Variants in XPNPEP1 observed in about 807,000 individuals in gnomAD.
XPNPEP1 encodes the protein xaa-Pro aminopeptidase 1.
XPNPEP1 carries 39 observed loss-of-function variants against 92.4 expected under a neutral mutation model. The ratio of observed to expected loss-of-function variants is 0.42; its 90% confidence interval spans 0.33 to 0.55. The LOEUF is 0.55. XPNPEP1 is among the 20% of genes least tolerant of loss of function. The pLI is 0.08. For missense variants in XPNPEP1, 654 were observed against 856.1 expected (o/e 0.76, Z 2.95); for synonymous variants, 307 against 299.4 (o/e 1.03, Z -0.26).
chr10:109,906,715 T>C (rs919848086), intron 3 of XPNPEP1, among the ~76,000 whole-genome samples: 6 of 152,210 alleles, frequency 3.9e-5, no homozygotes, highest in Non-Finnish European at 8.8e-5. Context: ...GGGAAACCTG[T>C]CCCACTGTTT....
chr10:109,877,858 T>A lies in XPNPEP1; in HGVS notation c.1251A>T (p.Ala417=). 1 of 1,614,256 alleles carries A rather than the reference T, an allele frequency of 6.2e-7. No homozygotes were observed. The highest frequency in any genetic ancestry group is 8.5e-7 in the Non-Finnish European group (1 of 1,180,050). Residue 417 remains alanine, a synonymous_variant, in exon 14 of 21, where the codon GCA becomes GCT. Transcript: ENST00000502935. ...TTGGGAAGCTCAGGTCCACAAAGTC[T>A]GCCTGTTGCCTGTAACAGAAAGACA... ...DKAEEFRRQQ[A]DFVDLSFPTI...
intron 16 of XPNPEP1, among the ~76,000 whole-genome samples, chr10:109,872,183 C>G (rs1033584119): frequency 2.6e-5 from 4 of 152,248 alleles, no homozygotes; most frequent in Admixed American, 2.6e-4. Flanking sequence ...CCCTAGCTAA[C>G]ATTACTGAGC....
chr10:109,892,852 A>G (rs3737153), intron 4 of XPNPEP1, among the ~76,000 whole-genome samples, 160 bp downstream of exon 4: 84,249 of 152,108 alleles, frequency 0.55, 25,593 homozygotes, highest in East Asian at 0.78. Context: ...CTTGGGGAGC[A>G]GGGAAAGACT....
chr10:109,879,036 A>C (rs954254701), intron 12 of XPNPEP1, among the ~76,000 whole-genome samples: 22 of 145,528 alleles, frequency 1.5e-4, no homozygotes, highest in Admixed American at 6.8e-5. Context: ...AGGTCAGGAG[A>C]TCGAGACCAT....
At chr10:109,890,541 T>A (rs1848637511) in intron 5 of XPNPEP1, among the ~76,000 whole-genome samples, 1 of 149,534 alleles carries the variant, frequency 6.7e-6, no homozygotes, top group African/African-American at 2.5e-5. Context: ...CAGCTTCAAA[T>A]GCCTGCCTTT....
chr10:109,883,954 A>G (rs1848247439), intron 9 of XPNPEP1, 113 bp downstream of exon 9: 15 of 883,716 alleles, frequency 1.7e-5, no homozygotes, highest in Non-Finnish European at 2.4e-5. Context: ...GCAAGAAAAA[A>G]GAAGCACATC....
At chr10:109,868,934 A>G (rs1297822761) in intron 19 of XPNPEP1, among the ~76,000 whole-genome samples, 1 of 152,176 alleles carries the variant, frequency 6.6e-6, no homozygotes, top group African/African-American at 2.4e-5. Context: ...AGGAAAGGCC[A>G]AACAAAGGGT....
intron 7 of XPNPEP1, among the ~76,000 whole-genome samples, chr10:109,887,220 A>G (rs1411302061): frequency 1.3e-5 from 2 of 152,160 alleles, no homozygotes; most frequent in Admixed American, 6.5e-5. Flanking sequence ...AAAAACTTCA[A>G]ACCACGCTGA....
intron 3 of XPNPEP1, among the ~76,000 whole-genome samples, chr10:109,903,868 AG>A (rs1849415930): frequency 6.8e-6 from 1 of 147,850 alleles, no homozygotes; most frequent in Non-Finnish European, 1.5e-5. Context: ...TTTTTGAGAC[AG>A]GGTCTTGCTC....
At chr10:109,894,437 G>A (rs1213344072) in intron 3 of XPNPEP1, among the ~76,000 whole-genome samples, 2 of 151,946 alleles carry the variant, frequency 1.3e-5, no homozygotes, top group African/African-American at 4.8e-5. Flanking sequence ...AGGCTGAGGT[G>A]GGAGGATAAT....
Position 109,884,066 on chromosome 10 carries a change from C to T in XPNPEP1, c.830+1G>A. 6.2e-7 allele frequency: 1 copy of T among 1,613,110 alleles called. No individual in the cohort carries two copies. Among genetic ancestry groups the T allele is most frequent in the Non-Finnish European group, 8.5e-7 (1 of 1,179,526 alleles). On this transcript the variant is annotated splice_donor_variant, in intron 9 of 20. Coordinates refer to ENST00000502935, the MANE Select transcript of XPNPEP1 (RefSeq NM_020383.4). LOFTEE classifies it high-confidence loss of function. ...GTTCCAGATGCAGGGCAAACACTCA[C>T]ATGATCGTCTCTAGTCCTATGATTG...
Position 109,918,542 on chromosome 10 carries a change from A to T in XPNPEP1, c.33-3443T>A, listed in dbSNP as rs564871270. The stretch of plus-strand genomic sequence containing the variant: ...TTTGGGAGGCCGAGGTGGGCAGATC[A>T]CGAGGTCAGGAGATCCAGACCATCC... On this transcript the variant is annotated intron_variant, in intron 1 of 20. Transcript: ENST00000502935. Among the ~76,000 whole-genome samples the T allele has an allele frequency of 4.6e-5, 7 of 152,278 alleles. No homozygotes were observed. The South Asian group carries it at 1.5e-3, about 32-fold the overall frequency.
chr10:109,897,497 A>G (rs1427675882), intron 3 of XPNPEP1, among the ~76,000 whole-genome samples: 1 of 152,190 alleles, frequency 6.6e-6, no homozygotes, highest in African/African-American at 2.4e-5. Context: ...ACTAGTCAAT[A>G]ACTGTATTCA....
chr10:109,869,868 A>G, intron 19 of XPNPEP1, 85 bp downstream of exon 19: 1 of 1,360,398 alleles, frequency 7.4e-7, no homozygotes, highest in Non-Finnish European at 1.0e-6. Context: ...AGCTTTGCGC[A>G]GTGGCAGTAT....
At chr10:109,872,687 G>C (rs7916801) in intron 16 of XPNPEP1, among the ~76,000 whole-genome samples, 202 of 152,218 alleles carry the variant, frequency 1.3e-3, no homozygotes, top group African/African-American at 4.6e-3. Context: ...TGGACAAACA[G>C]ATTCACTTAG....
intron 3 of XPNPEP1, among the ~76,000 whole-genome samples, chr10:109,903,346 T>C (rs753172954): frequency 5.9e-5 from 9 of 152,206 alleles, no homozygotes; most frequent in Non-Finnish European, 1.3e-4. Context: ...TGAGGCTCCA[T>C]GACGACCTGT....
At chr10:109,886,452 C>A in intron 7 of XPNPEP1, 111 bp from the exon 8 acceptor site, 3 of 982,266 alleles carry the variant, frequency 3.1e-6, no homozygotes, top group Non-Finnish European at 4.6e-6. Flanking sequence ...CTTACAGGAG[C>A]ACGCTACTTA....
At chr10:109,921,512 C>T (rs1850539237) in intron 1 of XPNPEP1, among the ~76,000 whole-genome samples, 1 of 152,158 alleles carries the variant, frequency 6.6e-6, no homozygotes, top group Non-Finnish European at 1.5e-5. Flanking sequence ...AATACCTCAC[C>T]CCCCTGCAAC....
chr10:109,873,073 A>T (rs1847576361), intron 16 of XPNPEP1, among the ~76,000 whole-genome samples: 1 of 152,252 alleles, frequency 6.6e-6, no homozygotes, highest in African/African-American at 2.4e-5. Context: ...TCACTCTCTC[A>T]TCCCCAGCCT....
Sources: gnomAD v4.1 joint callset for allele counts (sites outside exome capture counted in the v4.1 genomes callset) on GRCh38, gnomAD v4.1.1 for gene constraint, MANE v1.5 for transcripts, NCBI Gene and HGNC (gene_info 2026-07-23, HGNC 2026-07-21) for gene names.